Variants in WHRN observed in about 807,000 individuals in gnomAD.
WHRN encodes CASK-interacting protein CIP98.
In WHRN, 41 loss-of-function variants were observed where a neutral mutation model predicts 68.3. The ratio of observed to expected loss-of-function variants is 0.60; its 90% CI spans 0.47 to 0.78. WHRN has a LOEUF of 0.78. Ranked by LOEUF, WHRN falls within the 30% of genes least tolerant of loss-of-function variation. WHRN has a pLI of 0.00. For synonymous variants in WHRN, 560 were observed against 561.3 expected (o/e 1.00, Z 0.03); for missense variants, 1,243 against 1,244.7 (o/e 1.00, Z 0.02).
chr9:114,409,429 G>C (rs1835272217), intron 7 of WHRN, among the ~76,000 whole-genome samples: 1 of 152,244 alleles, frequency 6.6e-6, no homozygotes, highest in Non-Finnish European at 1.5e-5. Flanking sequence ...TAGGTCTTAT[G>C]AGTGAGCAGA....
rs1199581555 is a variant in WHRN at position 114,499,519 on chromosome 9, T to TC, written c.618+4664dup. On this transcript the variant is annotated intron_variant, in intron 1 of 11. Coordinates refer to ENST00000362057, the MANE Select transcript of WHRN (RefSeq NM_015404.4). ...CCCTGAGAAGGGTAAACCAAAGGCT[T>TC]CCCTTCCAGGTCATAAAAGAACCTT... Among the ~76,000 whole-genome samples the TC allele has an allele frequency of 3.3e-5, 5 of 152,314 alleles. No individual in the cohort carries two copies. In the East Asian group the frequency reaches 9.6e-4, roughly 29 times the overall value.
intron 1 of WHRN, among the ~76,000 whole-genome samples, chr9:114,484,963 A>G (rs932735967): frequency 6.6e-6 from 1 of 152,152 alleles, no homozygotes; most frequent in Non-Finnish European, 1.5e-5. Context: ...ATGTGTTAAC[A>G]TGGCAGACGC....
At chr9:114,470,382 G>A (rs539047822) in intron 2 of WHRN, among the ~76,000 whole-genome samples, 6 of 152,244 alleles carry the variant, frequency 3.9e-5, no homozygotes, top group South Asian at 2.1e-4. Flanking sequence ...GTCACCACAC[G>A]GGTCCTGTAT....
intron 1 of WHRN, among the ~76,000 whole-genome samples, chr9:114,485,419 A>C (rs1842400626): frequency 6.6e-6 from 1 of 152,238 alleles, no homozygotes; most frequent in Non-Finnish European, 1.5e-5. Context: ...GGTCAGGCGC[A>C]GTGGCTCAGG....
intron 3 of WHRN, among the ~76,000 whole-genome samples, chr9:114,446,556 G>A (rs142949717): frequency 6.6e-6 from 1 of 152,152 alleles, no homozygotes; most frequent in Non-Finnish European, 1.5e-5. Flanking sequence ...TAGAAGGTAG[G>A]ATGTCTGGGT....
At chr9:114,422,062 G>A (rs1836337049) in intron 7 of WHRN, among the ~76,000 whole-genome samples, 1 of 152,144 alleles carries the variant, frequency 6.6e-6, no homozygotes, top group Admixed American at 6.5e-5. Flanking sequence ...ATTTTCTGGT[G>A]GCTGCAAGCT....
chr9:114,438,413 G>C (rs549463460), intron 3 of WHRN, among the ~76,000 whole-genome samples: 6 of 151,884 alleles, frequency 4.0e-5, no homozygotes, highest in Non-Finnish European at 7.4e-5. Flanking sequence ...TGGGAATTCA[G>C]GATGGTCCAA....
intron 2 of WHRN, chr9:114,478,290 A>G: frequency 5.7e-6 from 4 of 696,898 alleles, no homozygotes; most frequent in Middle Eastern, 2.4e-4. Flanking sequence ...TCTGTCTCCA[A>G]ATAGATAAAT....
chr9:114,417,948 T>G (rs973480669), intron 7 of WHRN, among the ~76,000 whole-genome samples: 6 of 152,176 alleles, frequency 3.9e-5, no homozygotes, highest in Non-Finnish European at 7.3e-5. Flanking sequence ...ATGGGGAGAC[T>G]GAGGCCAAGA....
rs760640463 is a variant in WHRN, at chr9:114,402,725, A to C, written c.*29T>G. On this transcript the variant is annotated 3_prime_UTR_variant, in exon 12 of 12. Transcript: ENST00000362057. ...AAGGGACTGGGACCAGGGGCTGGGC[A>C]GTGGTGGGAGGCCCTCAGGCCTTGG... The C allele has an allele frequency of 6.2e-7, 1 of 1,612,656 alleles. No homozygotes were observed. The highest frequency in any genetic ancestry group is 2.2e-5 in the East Asian group (1 of 44,852).
chr9:114,490,299 T>C (rs549798270), intron 1 of WHRN, among the ~76,000 whole-genome samples: 4 of 152,216 alleles, frequency 2.6e-5, no homozygotes, highest in Admixed American at 6.5e-5. Flanking sequence ...GATTCGACAA[T>C]TGAGGAAATG....
chr9:114,496,636 G>A (rs1589271907), intron 1 of WHRN, among the ~76,000 whole-genome samples: 1 of 152,186 alleles, frequency 6.6e-6, no homozygotes, highest in East Asian at 1.9e-4. Context: ...GCTTGCAGCA[G>A]GACCTCCACT....
chr9:114,451,302 G>C (rs1839308944), intron 3 of WHRN, among the ~76,000 whole-genome samples: 1 of 152,180 alleles, frequency 6.6e-6, no homozygotes, highest in Admixed American at 6.5e-5. Flanking sequence ...TTGAATCACA[G>C]CTTCTCTGCC....
chr9:114,490,520 G>GC (rs1282166328), intron 1 of WHRN, among the ~76,000 whole-genome samples: 1 of 150,934 alleles, frequency 6.6e-6, no homozygotes, highest in Non-Finnish European at 1.5e-5. Context: ...TAAAGAAAAA[G>GC]TTTTTTTTAA....
chr9:114,414,670 G>A (rs1835684869), intron 7 of WHRN, among the ~76,000 whole-genome samples: 1 of 152,222 alleles, frequency 6.6e-6, no homozygotes, highest in South Asian at 2.1e-4. Flanking sequence ...TCCATAAACC[G>A]CTACAGAGAC....
intron 2 of WHRN, among the ~76,000 whole-genome samples, chr9:114,477,307 C>A (rs1412882506): frequency 1.3e-5 from 2 of 152,250 alleles, no homozygotes; most frequent in African/African-American, 4.8e-5. Flanking sequence ...GGCCTCCTGG[C>A]AGTCAGTGTC....
chr9:114,422,348 C>T (rs531349928), intron 7 of WHRN, among the ~76,000 whole-genome samples: 2 of 152,326 alleles, frequency 1.3e-5, no homozygotes, highest in East Asian at 3.9e-4. Context: ...GCTCTCCTGA[C>T]CTCCAGCCCT....
chr9:114,489,495 C>CGT (rs1842797717), intron 1 of WHRN, among the ~76,000 whole-genome samples: 1 of 118,036 alleles, frequency 8.5e-6, no homozygotes, highest in Non-Finnish European at 1.9e-5. Flanking sequence ...CACACGTACA[C>CGT]ACACACACGC....
chr9:114,500,851 G>A (rs1269520928), intron 1 of WHRN, among the ~76,000 whole-genome samples: 1 of 152,224 alleles, frequency 6.6e-6, no homozygotes, highest in Non-Finnish European at 1.5e-5. Context: ...CGTCAGTACA[G>A]TGTATAACCC....
Sources: gnomAD v4.1 joint callset for allele counts (sites outside exome capture counted in the v4.1 genomes callset) on GRCh38, gnomAD v4.1.1 for gene constraint, MANE v1.5 for transcripts, NCBI Gene and HGNC (gene_info 2026-07-23, HGNC 2026-07-21) for gene names.